ANKRD29: variants seen among roughly 807,000 people sequenced by gnomAD.
The protein encoded by ANKRD29 is ankyrin repeat domain 29.
ANKRD29 carries 32 observed loss-of-function variants against 38.0 expected under a neutral mutation model. That is an observed-to-expected ratio of 0.84 (90% CI 0.64 to 1.13). The LOEUF is 1.13. ANKRD29 is among the 50% of genes most tolerant of loss of function. The probability of loss-of-function intolerance (pLI) is 0.00; values close to 1 mark genes in which losing one functional copy is unlikely to be tolerated. For missense variants in ANKRD29, 357 were observed against 377.9 expected, an observed-to-expected ratio of 0.94 and a Z score of 0.46; for synonymous variants, 135 against 152.4, an observed-to-expected ratio of 0.89 and a Z score of 0.84.
At chr18:23,608,319 A>G (rs1052932497) in intron 9 of ANKRD29, among the ~76,000 whole-genome samples, 1 of 152,298 alleles carries the variant, frequency 6.6e-6, no homozygotes, top group Non-Finnish European at 1.5e-5. Flanking sequence ...ACTGGCTTCT[A>G]TGGAGTGGCT....
rs976036537 is a variant in ANKRD29 at position 23,629,853 on chromosome 18, C to T, written c.528G>A (p.Gln176=). ...ASGAKVNQPR[Q]DGTAPLWIAS... Reference sequence around the variant, plus strand: ...GGCAAATGTCAACAGTGGACATTACCTGCCTTGGCTGGTTGACTTTTGCTC... The same window carrying T: ...GGCAAATGTCAACAGTGGACATTACTTGCCTTGGCTGGTTGACTTTTGCTC... Residue 176 remains glutamine (Q), a splice_region_variant and synonymous_variant, in exon 6 of 10, where the codon CAG becomes CAA. Coordinates refer to ENST00000592179, the MANE Select transcript of ANKRD29 (RefSeq NM_173505.4). 3.7e-6 allele frequency: 6 copies of T among 1,613,646 alleles called. No homozygotes were observed. Among genetic ancestry groups the T allele is most frequent in the Non-Finnish European group, 5.1e-6 (6 of 1,179,880 alleles).
At chr18:23,607,349 C>T (rs2059586733) in intron 9 of ANKRD29, among the ~76,000 whole-genome samples, 1 of 152,296 alleles carries the variant, frequency 6.6e-6, no homozygotes, top group East Asian at 1.9e-4. Flanking sequence ...TCCTGGTAAA[C>T]AGACCTAAGC....
intron 4 of ANKRD29, among the ~76,000 whole-genome samples, chr18:23,638,496 AGT>A (rs2060031904): frequency 6.6e-6 from 1 of 152,202 alleles, no homozygotes; most frequent in African/African-American, 2.4e-5. Context: ...ATTAATCTTC[AGT>A]GGGAAAAAGA....
At chr18:23,633,632 G>A (rs1230312564) in intron 5 of ANKRD29, among the ~76,000 whole-genome samples, 2 of 152,148 alleles carry the variant, frequency 1.3e-5, no homozygotes, top group African/African-American at 4.8e-5. Flanking sequence ...GTGCAATGGT[G>A]TGATCTCAGC....
In ANKRD29 at chr18:23,638,935, C is replaced by G; in HGVS notation, c.244G>C (p.Ala82Pro). 6.2e-7 allele frequency: 1 copy of G among 1,609,180 alleles called. No homozygotes were observed. Among genetic ancestry groups the G allele is most frequent in the Non-Finnish European group, 8.5e-7 (1 of 1,178,666 alleles). Residue 82 changes from alanine (A) to proline (P), a missense_variant, in exon 4 of 10, where the codon GCC becomes CCC. Ala to Pro is a conservative substitution (Grantham distance 27, BLOSUM62 -1). Transcript: ENST00000592179. The part of the protein sequence containing the change: ...INLQRESGTT[A>P]LFFAAQQGHN... The stretch of plus-strand genomic sequence containing the variant: ...CCTTGCTGGGCGGCAAAGAATAGGG[C>G]AGTTGTACCTGACTGGGAGAGAGGG...
chr18:23,649,175 TG>T lies in ANKRD29; in HGVS notation c.39del (p.Asn14MetfsTer15). On this transcript the variant is annotated frameshift_variant, in exon 2 of 10. Transcript: ENST00000592179. LOFTEE classifies it high-confidence loss of function. The part of the protein sequence containing the change: ...RMSFKKETPL[A>X]NAAFWAARRG... ...CTCCTGGCTGCCCAGAATGCAGCATTGGCAAGTGGAGTTTCCTTCTGCAAGA... is the reference window on the plus strand; with the variant it reads ...CTCCTGGCTGCCCAGAATGCAGCATTGCAAGTGGAGTTTCCTTCTGCAAGA... 6.2e-7 allele frequency: 1 copy of T among 1,613,466 alleles called. No individual in the cohort carries two copies. Among genetic ancestry groups the T allele is most frequent in the African/African-American group, 1.3e-5 (1 of 75,000 alleles).
chr18:23,620,133 C>T (rs1344315036), intron 6 of ANKRD29, among the ~76,000 whole-genome samples: 2 of 152,090 alleles, frequency 1.3e-5, no homozygotes, highest in Admixed American at 1.3e-4. Flanking sequence ...TCCCATAGAA[C>T]GCAGGCAGTT....
At chr18:23,618,347 T>G (rs1423280950) in intron 7 of ANKRD29, among the ~76,000 whole-genome samples, 3 of 152,150 alleles carry the variant, frequency 2.0e-5, no homozygotes, top group Admixed American at 6.5e-5. Context: ...AAAGGCCAGG[T>G]GCAGTGGCTC....
At chr18:23,653,011 C>A (rs1002078931) in intron 1 of ANKRD29, among the ~76,000 whole-genome samples, 1 of 152,202 alleles carries the variant, frequency 6.6e-6, no homozygotes, top group South Asian at 2.1e-4. Flanking sequence ...TTTAGATATG[C>A]AAATGCTCAC....
At position 23,634,137 on chromosome 18, in the gene ANKRD29, C is replaced by T. The variant is rs1468810824; in HGVS notation, c.343G>A (p.Ala115Thr). The change falls in exon 5 of 10, where the codon GCC (alanine) becomes ACC (threonine). Residue 115 changes from alanine (A) to threonine (T), a missense_variant. Ala to Thr is a moderately conservative substitution (Grantham distance 58). Transcript: ENST00000592179. ...TEFRTKDGGTALLAASQYGHM... is the reference protein window; with the variant it reads ...TEFRTKDGGTTLLAASQYGHM... The stretch of plus-strand genomic sequence containing the variant: ...CCGTACTGACTGGCAGCCAACAGGG[C>T]GGTGCCCCCGTCCTATGGACATGCA... The T allele has an allele frequency of 2.5e-6, 4 of 1,614,160 alleles. No individual in the cohort carries two copies. Among genetic ancestry groups the T allele is most frequent in the African/African-American group, 1.3e-5 (1 of 75,050 alleles).
chr18:23,613,977 C>G (rs753483473), intron 8 of ANKRD29, among the ~76,000 whole-genome samples: 18 of 152,184 alleles, frequency 1.2e-4, no homozygotes, highest in Non-Finnish European at 2.5e-4. Context: ...GGTGATCCAC[C>G]CGCCTTTGCC....
In ANKRD29 at chr18:23,649,143, G is replaced by A. The variant is rs1334636232; in HGVS notation, c.72C>T (p.Asn24=). ...NAAFWAARRG[N]LALLKLLLNS... ...TCAACAGCAGCTTCAGCAGCGCCAGGTTTCCTCTCCTGGCTGCCCAGAATG... is the reference window on the plus strand; with the variant it reads ...TCAACAGCAGCTTCAGCAGCGCCAGATTTCCTCTCCTGGCTGCCCAGAATG... The change falls in exon 2 of 10, where the codon AAC becomes AAT. Residue 24 remains asparagine, a synonymous_variant. Transcript: ENST00000592179. 4 of 1,614,084 alleles carry A rather than the reference G, an allele frequency of 2.5e-6. No individual in the cohort carries two copies. The highest frequency in any genetic ancestry group is 1.3e-5 in the African/African-American group (1 of 74,938).
chr18:23,654,909 T>A (rs1236403916), intron 1 of ANKRD29, among the ~76,000 whole-genome samples: 1 of 152,188 alleles, frequency 6.6e-6, no homozygotes, highest in East Asian at 1.9e-4. Flanking sequence ...AAATTTAAAC[T>A]ATTAGTTTAA....
intron 9 of ANKRD29, among the ~76,000 whole-genome samples, chr18:23,611,671 C>A (rs1011537678): frequency 6.6e-6 from 1 of 151,946 alleles, no homozygotes; most frequent in Admixed American, 6.6e-5. Context: ...GGTGACAGAG[C>A]GAGACTCCCT....
intron 3 of ANKRD29, among the ~76,000 whole-genome samples, chr18:23,639,747 GCTGGTCT>G (rs2060049375): frequency 6.6e-6 from 1 of 152,020 alleles, no homozygotes; most frequent in Non-Finnish European, 1.5e-5. Flanking sequence ...TGTTGACCAG[GCTGGTCT>G]CAAAGTCCTG....
chr18:23,621,270 C>T (rs1237493399), intron 6 of ANKRD29, among the ~76,000 whole-genome samples: 1 of 152,172 alleles, frequency 6.6e-6, no homozygotes, highest in Non-Finnish European at 1.5e-5. Flanking sequence ...TTTTCTGCTG[C>T]AGTGTGTAAT....
chr18:23,619,713 G>A, intron 6 of ANKRD29, 84 bp from the exon 7 acceptor site: 1 of 1,230,978 alleles, frequency 8.1e-7, no homozygotes, highest in Non-Finnish European at 1.1e-6. Flanking sequence ...CCAGGGGTCT[G>A]AAAGCGAAAA....
At chr18:23,605,412 G>T (rs1351880116) in intron 9 of ANKRD29, among the ~76,000 whole-genome samples, 1 of 151,940 alleles carries the variant, frequency 6.6e-6, no homozygotes, top group Admixed American at 6.6e-5. Flanking sequence ...ATGTTGCCCA[G>T]GCTGGTCTTA....
At chr18:23,662,620 C>CCCAAA in intron 1 of ANKRD29, 90 bp downstream of exon 1, 1 of 406,726 alleles carries the variant, frequency 2.5e-6, no homozygotes, top group Non-Finnish European at 4.4e-6. Context: ...AGCGCCCACC[C>CCCAAA]CATCCCACCC....
Sources: allele counts gnomAD v4.1 joint callset (sites outside exome capture counted in the v4.1 genomes callset), GRCh38; gene constraint gnomAD v4.1.1; transcripts MANE v1.5; gene names NCBI Gene and HGNC (gene_info 2026-07-23, HGNC 2026-07-21).